Variants in HOOK3 observed in about 807,000 individuals in gnomAD.
HOOK3 encodes the protein hook microtubule tethering protein 3.
In HOOK3, 24 loss-of-function variants were observed where a neutral mutation model predicts 116.3. That is an observed-to-expected ratio of 0.21 (90% confidence interval 0.15 to 0.29). The LOEUF is 0.29. Among genes scored for constraint, HOOK3 ranks in the 10% least tolerant of loss-of-function variants. HOOK3 has a pLI of 1.00. For missense variants in HOOK3, 632 were observed against 830.2 expected (o/e 0.76, Z 2.93); for synonymous variants, 275 against 283.0 (o/e 0.97, Z 0.28).
At chr8:42,931,433 T>TC (rs1386366436) in intron 4 of HOOK3, among the ~76,000 whole-genome samples, 1 of 140,606 alleles carries the variant, frequency 7.1e-6, no homozygotes, top group East Asian at 2.0e-4. Context: ...CTCTTTTTTT[T>TC]TTTTTTTTTT....
intron 14 of HOOK3, 148 bp from the exon 15 acceptor site, chr8:42,986,507 A>G (rs1809051986): frequency 1.9e-6 from 1 of 513,706 alleles, no homozygotes; most frequent in African/African-American, 2.0e-5. Context: ...CAGCTATAAT[A>G]GCTGAATTTG....
intron 18 of HOOK3, among the ~76,000 whole-genome samples, chr8:43,008,826 A>AT (rs1393761067): frequency 1.3e-5 from 2 of 148,882 alleles, no homozygotes; most frequent in African/African-American, 4.9e-5. Flanking sequence ...CGCCCGGCTA[A>AT]TTTTTTGTAT....
intron 2 of HOOK3, among the ~76,000 whole-genome samples, chr8:42,909,698 C>G (rs1040742796): frequency 6.6e-6 from 1 of 152,160 alleles, no homozygotes; most frequent in African/African-American, 2.4e-5. Context: ...CTCCTGGGCT[C>G]AAGCAATCCT....
At chr8:42,899,834 A>ACTT (rs1239649979) in intron 1 of HOOK3, among the ~76,000 whole-genome samples, 1 of 152,226 alleles carries the variant, frequency 6.6e-6, no homozygotes, top group Non-Finnish European at 1.5e-5. Context: ...AGCCTTATGT[A>ACTT]CTTCTAGAGC....
chr8:42,940,736 C>T (rs1000527809), intron 4 of HOOK3, among the ~76,000 whole-genome samples: 2 of 152,048 alleles, frequency 1.3e-5, no homozygotes, highest in African/African-American at 2.4e-5. Context: ...CTTGGGGTTG[C>T]TCTTCTTGAG....
rs147975624 is a variant in HOOK3, at chr8:43,026,570, C to T, written c.*8072C>T. ...CTTTCAAACGCAAACACCCTTGAAA[C>T]TTGATGCTTTCTGAAGTTGTATTCA... On this transcript the variant is annotated 3_prime_UTR_variant, in exon 22 of 22. Transcript: ENST00000307602. 242 of 216,334 alleles carry T rather than the reference C, an allele frequency of 1.1e-3. No individual in the cohort carries two copies. The highest frequency in any genetic ancestry group is 4.9e-3 in the African/African-American group (219 of 44,502). 13.4% of individuals were successfully genotyped at this position (216,334 alleles called of 1,614,324 possible).
intron 2 of HOOK3, among the ~76,000 whole-genome samples, chr8:42,908,161 A>T (rs191877901): frequency 1.3e-4 from 20 of 152,356 alleles, no homozygotes; most frequent in African/African-American, 4.8e-4. Context: ...CATTGATGAA[A>T]GAAGTTGAAG....
chr8:42,967,173 C>T (rs974321717), intron 10 of HOOK3, among the ~76,000 whole-genome samples: 2 of 152,158 alleles, frequency 1.3e-5, no homozygotes, highest in African/African-American at 4.8e-5. Context: ...TGGCTTCCTT[C>T]TGAGCTGGGT....
intron 1 of HOOK3, among the ~76,000 whole-genome samples, chr8:42,898,290 T>C (rs1354936731): frequency 6.6e-6 from 1 of 152,228 alleles, no homozygotes; most frequent in Non-Finnish European, 1.5e-5. Flanking sequence ...TGAAACAGAC[T>C]TGGTAGAGCT....
intron 17 of HOOK3, among the ~76,000 whole-genome samples, chr8:43,004,791 A>G (rs1010018589): frequency 9.2e-5 from 14 of 152,102 alleles, no homozygotes; most frequent in Non-Finnish European, 1.3e-4. Context: ...AGCAATGGCA[A>G]TTCTCATCCA....
chr8:42,908,481 T>C (rs1381738461), intron 2 of HOOK3, among the ~76,000 whole-genome samples: 2 of 152,166 alleles, frequency 1.3e-5, no homozygotes, highest in African/African-American at 4.8e-5. Flanking sequence ...AGTGGAACAG[T>C]ATAGAAATTC....
intron 21 of HOOK3, among the ~76,000 whole-genome samples, chr8:43,017,002 C>T (rs965995091): frequency 5.3e-5 from 8 of 150,208 alleles, no homozygotes; most frequent in Admixed American, 3.4e-4. Flanking sequence ...GGCAAGACTC[C>T]GTCTAAAAAA....
chr8:42,980,660 C>T (rs771634713), intron 13 of HOOK3, among the ~76,000 whole-genome samples: 1 of 151,988 alleles, frequency 6.6e-6, no homozygotes, highest in Non-Finnish European at 1.5e-5. Context: ...AGTCCCAAGG[C>T]GGGTGGATCA....
rs1807463945 is a variant in HOOK3 at position 42,913,064 on chromosome 8, T to A, written c.143+6806T>A. On this transcript the variant is annotated intron_variant, in intron 2 of 21. Coordinates refer to ENST00000307602, the MANE Select transcript of HOOK3 (RefSeq NM_032410.4). Reference sequence around the variant, plus strand: ...TATGCATTTTAGGTTCCTCCGTGTCTTTTTGTGACTTGATGGCTCATTTTT... The same window carrying A: ...TATGCATTTTAGGTTCCTCCGTGTCATTTTGTGACTTGATGGCTCATTTTT... Among the ~76,000 whole-genome samples, 3 of 152,240 alleles carry A rather than the reference T, an allele frequency of 2.0e-5. No individual in the cohort carries two copies. In the South Asian group the frequency reaches 6.2e-4, roughly 32 times the overall value.
Position 43,010,409 on chromosome 8 carries a change from A to G in HOOK3, c.1839+4A>G. On this transcript the variant is annotated splice_donor_region_variant and intron_variant, in intron 19 of 21. Transcript: ENST00000307602. Reference sequence around the variant, plus strand: ...ATACTTAGAGAAAGCCAAAAGTGTAAGTATGAATTTTGTAGGCATCTCACT... The same window carrying G: ...ATACTTAGAGAAAGCCAAAAGTGTAGGTATGAATTTTGTAGGCATCTCACT... 1 of 1,298,194 alleles carries G rather than the reference A, an allele frequency of 7.7e-7. No homozygotes were observed. Among genetic ancestry groups the G allele is most frequent in the Non-Finnish European group, 1.0e-6 (1 of 952,482 alleles). The allele number at this position is 1,298,194 out of a possible 1,614,324, so 80.4% of individuals were successfully genotyped here.
chr8:42,940,082 G>T (rs1318099589), intron 4 of HOOK3, among the ~76,000 whole-genome samples: 1 of 152,232 alleles, frequency 6.6e-6, no homozygotes, highest in Non-Finnish European at 1.5e-5. Context: ...AGACGGGGCG[G>T]CGGCCGGGCA....
At chr8:42,903,006 A>G (rs972345367) in intron 1 of HOOK3, among the ~76,000 whole-genome samples, 5 of 152,110 alleles carry the variant, frequency 3.3e-5, no homozygotes, top group Non-Finnish European at 7.4e-5. Context: ...GCAAGTGCTT[A>G]TTTCTTTTAA....
intron 9 of HOOK3, 36 bp downstream of exon 9, chr8:42,964,510 A>C (rs780221370): frequency 6.3e-7 from 1 of 1,592,862 alleles, no homozygotes; most frequent in South Asian, 1.1e-5. Flanking sequence ...ATTTTTAAAA[A>C]TTTGTTAGCT....
chr8:42,936,823 T>A (rs1807980378), intron 4 of HOOK3, among the ~76,000 whole-genome samples: 1 of 152,236 alleles, frequency 6.6e-6, no homozygotes, highest in African/African-American at 2.4e-5. Flanking sequence ...TTCATCGATG[T>A]TCATCAGAGA....
Sources: allele counts gnomAD v4.1 joint callset (sites outside exome capture counted in the v4.1 genomes callset), GRCh38; gene constraint gnomAD v4.1.1; transcripts MANE v1.5; gene names NCBI Gene and HGNC (gene_info 2026-07-23, HGNC 2026-07-21).